Variants in WNT7A observed in about 807,000 individuals in gnomAD.
WNT7A encodes the protein Wnt family member 7A, also known as protein Wnt-7a.
WNT7A carries 16 observed loss-of-function variants against 28.2 expected under a neutral mutation model. That is an observed-to-expected ratio of 0.57 (90% CI 0.38 to 0.86). The LOEUF (loss-of-function observed/expected upper bound fraction) is 0.86, where lower values mean the gene tolerates loss of function less well. Among genes scored for constraint, WNT7A ranks in the 40% least tolerant of loss-of-function variants. WNT7A has a pLI of 0.00. For missense variants in WNT7A, 411 were observed against 489.7 expected (o/e 0.84, Z 1.52); for synonymous variants, 190 against 195.9 (o/e 0.97, Z 0.25).
chr3:13,858,365 G>T (rs563579080), intron 2 of WNT7A, among the ~76,000 whole-genome samples: 1 of 152,342 alleles, frequency 6.6e-6, no homozygotes, highest in East Asian at 1.9e-4. Context: ...GGGGCTGTCA[G>T]CCCAAGACTC....
intron 2 of WNT7A, among the ~76,000 whole-genome samples, chr3:13,856,915 A>AAGAAGAAGAAGG (rs1694746117): frequency 1.0e-5 from 1 of 96,190 alleles, no homozygotes; most frequent in Non-Finnish European, 2.0e-5. Flanking sequence ...GAAGAAGAAG[A>AAGAAGAAGAAGG]AGAAGAAGAA....
At position 13,819,355 on chromosome 3, in the gene WNT7A, C is replaced by T. The variant is rs566972494; in HGVS notation, c.639G>A (p.Thr213=). Residue 213 remains threonine (T), a synonymous_variant, in exon 4 of 4, where the codon ACG becomes ACA. Coordinates refer to ENST00000285018, the MANE Select transcript of WNT7A (RefSeq NM_004625.4). Reference sequence around the variant, plus strand: ...GAAACTGTGGCAGTGTGGTCCAGCACGTCTTGGTGGTGCACGAGCCTGACA... The same window carrying T: ...GAAACTGTGGCAGTGTGGTCCAGCATGTCTTGGTGGTGCACGAGCCTGACA... ...HGVSGSCTTK[T]CWTTLPQFRE... 13 of 1,613,370 alleles carry T rather than the reference C, an allele frequency of 8.1e-6. No individual in the cohort carries two copies. In the East Asian group the frequency reaches 2.5e-4, roughly 30 times the overall value.
intron 1 of WNT7A, among the ~76,000 whole-genome samples, chr3:13,876,617 T>G (rs992959783): frequency 6.6e-6 from 1 of 152,106 alleles, no homozygotes; most frequent in Non-Finnish European, 1.5e-5. Flanking sequence ...CCTGTACCAA[T>G]AACTCAAGGA....
Position 13,854,518 on chromosome 3 carries a change from C to T in WNT7A, c.570+14G>A. The T allele has an allele frequency of 6.2e-7, 1 of 1,614,046 alleles. No individual in the cohort carries two copies. The highest frequency in any genetic ancestry group is 8.5e-7 in the Non-Finnish European group (1 of 1,180,048). On this transcript the variant is annotated intron_variant, in intron 3 of 3. Transcript: ENST00000285018. The stretch of plus-strand genomic sequence containing the variant: ...TCCGCGAGCGCCGCCCAGCTGCCCT[C>T]CCTGGCTTCCTACCTTTCGGCCTGC...
At chr3:13,875,240 G>A (rs541186269) in intron 1 of WNT7A, 67 bp from the exon 2 acceptor site, 27 of 1,557,810 alleles carry the variant, frequency 1.7e-5, no homozygotes, top group Middle Eastern at 1.7e-4. Context: ...GGAACCCTTC[G>A]TAGGTGTCCA....
At chr3:13,876,450 C>T (rs1274813120) in intron 1 of WNT7A, among the ~76,000 whole-genome samples, 4 of 152,102 alleles carry the variant, frequency 2.6e-5, no homozygotes, top group Admixed American at 2.6e-4. Context: ...TGTGGGGTGC[C>T]AGAGCAGGAG....
intron 2 of WNT7A, among the ~76,000 whole-genome samples, chr3:13,863,198 A>C (rs939228898): frequency 2.0e-5 from 3 of 152,142 alleles, no homozygotes; most frequent in African/African-American, 7.2e-5. Context: ...CTTATCCATC[A>C]AGCCATGGCT....
chr3:13,867,228 C>T (rs1176036520), intron 2 of WNT7A, among the ~76,000 whole-genome samples: 9 of 152,122 alleles, frequency 5.9e-5, no homozygotes, highest in Admixed American at 5.9e-4. Context: ...GTGAAGTACT[C>T]ACTTAAAGTC....
chr3:13,858,705 C>T (rs1384743410), intron 2 of WNT7A, among the ~76,000 whole-genome samples: 1 of 152,138 alleles, frequency 6.6e-6, no homozygotes, highest in East Asian at 1.9e-4. Context: ...AGGCTGTAGT[C>T]AAGACACCGA....
intron 3 of WNT7A, among the ~76,000 whole-genome samples, chr3:13,851,883 C>G (rs1160702560): frequency 1.3e-5 from 2 of 152,214 alleles, no homozygotes; most frequent in Non-Finnish European, 2.9e-5. Flanking sequence ...TACAAAGGCC[C>G]CGAAATGCCA....
chr3:13,835,226 G>T (rs973690867), intron 3 of WNT7A, among the ~76,000 whole-genome samples: 1 of 152,204 alleles, frequency 6.6e-6, no homozygotes, highest in African/African-American at 2.4e-5. Flanking sequence ...AGGAGCACAT[G>T]TGGAATGGCA....
At chr3:13,829,068 A>G (rs1409446258) in intron 3 of WNT7A, among the ~76,000 whole-genome samples, 2 of 152,160 alleles carry the variant, frequency 1.3e-5, no homozygotes, top group Non-Finnish European at 2.9e-5. Flanking sequence ...AGACCCGGAA[A>G]AGCAACTTCT....
chr3:13,820,526 G>T (rs1694091043), intron 3 of WNT7A, among the ~76,000 whole-genome samples: 1 of 152,132 alleles, frequency 6.6e-6, no homozygotes, highest in Admixed American at 6.5e-5. Flanking sequence ...TAGTTCCCAT[G>T]TGATGCTTCT....
chr3:13,849,313 A>C (rs1694590947), intron 3 of WNT7A, among the ~76,000 whole-genome samples: 1 of 152,226 alleles, frequency 6.6e-6, no homozygotes, highest in East Asian at 1.9e-4. Context: ...TCAAAACCAC[A>C]AACTTGGTTA....
chr3:13,842,085 G>C, intron 3 of WNT7A, among the ~76,000 whole-genome samples: 1 of 152,122 alleles, frequency 6.6e-6, no homozygotes, highest in Non-Finnish European at 1.5e-5. Flanking sequence ...ACAGGGGTGA[G>C]GGAGGGGCCT....
chr3:13,855,077 C>A (rs1005924670), intron 2 of WNT7A, among the ~76,000 whole-genome samples: 1 of 152,218 alleles, frequency 6.6e-6, no homozygotes, highest in Admixed American at 6.5e-5. Flanking sequence ...ATCTGGAAGG[C>A]CAGATGTGGG....
Position 13,817,959 on chromosome 3 carries a change from G to A in WNT7A, c.*985C>T, listed in dbSNP as rs1694035432. 6.6e-6 allele frequency: 1 copy of A among 152,130 alleles called. No homozygotes were observed. The highest frequency in any genetic ancestry group is 1.5e-5 in the Non-Finnish European group (1 of 68,026). The allele number at this position is 152,130 out of a possible 1,614,324, so 9.4% of individuals were successfully genotyped here. On this transcript the variant is annotated 3_prime_UTR_variant, in exon 4 of 4. Coordinates refer to ENST00000285018, the MANE Select transcript of WNT7A (RefSeq NM_004625.4). ...CCCCAGGCATCCAGGGGCAGCTTGT[G>A]CCCACTTGGCAAACAGAACTCAAGA... is the stretch of plus-strand genomic sequence containing the variant.
At chr3:13,854,949 G>T in intron 2 of WNT7A, 146 bp from the exon 3 acceptor site, 1 of 1,111,442 alleles carries the variant, frequency 9.0e-7, no homozygotes, top group Non-Finnish European at 1.3e-6. Flanking sequence ...TTCCAACAAA[G>T]CTCCCTTTTA....
chr3:13,838,826 C>G (rs1302730755), intron 3 of WNT7A, among the ~76,000 whole-genome samples: 1 of 152,206 alleles, frequency 6.6e-6, no homozygotes, highest in African/African-American at 2.4e-5. Flanking sequence ...GGTACTCAAG[C>G]TGGATTTAGA....
Sources: gnomAD v4.1 joint callset for allele counts (sites outside exome capture counted in the v4.1 genomes callset) on GRCh38, gnomAD v4.1.1 for gene constraint, MANE v1.5 for transcripts, NCBI Gene and HGNC (gene_info 2026-07-23, HGNC 2026-07-21) for gene names.